Variants in LHFPL6 observed in about 807,000 individuals in gnomAD.
LHFPL6 encodes the protein LHFPL tetraspan subfamily member 6 protein.
In LHFPL6, 9 loss-of-function variants were observed where a neutral mutation model predicts 20.6. The ratio of observed to expected loss-of-function variants is 0.44; its 90% CI spans 0.26 to 0.76. The LOEUF (loss-of-function observed/expected upper bound fraction) is 0.76, where lower values mean the gene tolerates loss of function less well. Ranked by LOEUF, LHFPL6 falls within the 30% of genes least tolerant of loss-of-function variation. LHFPL6 has a pLI of 0.20. For missense variants in LHFPL6, 218 were observed against 253.5 expected (o/e 0.86, Z 0.95); for synonymous variants, 105 against 98.7 (o/e 1.06, Z -0.38).
intron 2 of LHFPL6, among the ~76,000 whole-genome samples, chr13:39,592,908 GAAAA>G (rs1465118734): frequency 6.6e-6 from 1 of 152,178 alleles, no homozygotes; most frequent in East Asian, 1.9e-4. Flanking sequence ...AAAGGCCTTT[GAAAA>G]AATTCAACAA....
At chr13:39,586,186 T>C (rs200369668) in intron 2 of LHFPL6, among the ~76,000 whole-genome samples, 5 of 137,438 alleles carry the variant, frequency 3.6e-5, no homozygotes, top group Non-Finnish European at 6.4e-5. Flanking sequence ...TATATATATA[T>C]ACACATACAC....
rs756208201 is a variant in LHFPL6 at position 39,568,387 on chromosome 13, C to T, written c.385+32445G>A. ...CATGGTGCCTGAGAGAACACAGTGG[C>T]TCATTTTATTCAGGACAATGACCAA... On this transcript the variant is annotated intron_variant, in intron 2 of 3. Transcript: ENST00000379589. 2.2e-4 allele frequency among the ~76,000 whole-genome samples: 33 copies of T among 152,160 alleles called. 2 individuals are homozygous for T. The highest frequency in any genetic ancestry group is 1.5e-3 in the South Asian group (7 of 4,808).
intron 2 of LHFPL6, among the ~76,000 whole-genome samples, chr13:39,388,338 A>T (rs759985422): frequency 6.6e-6 from 1 of 152,264 alleles, no homozygotes; most frequent in Non-Finnish European, 1.5e-5. Flanking sequence ...GCTCAGAGCA[A>T]AAATTCACAA....
At chr13:39,572,429 T>C (rs527554995) in intron 2 of LHFPL6, among the ~76,000 whole-genome samples, 1 of 152,162 alleles carries the variant, frequency 6.6e-6, no homozygotes, top group Non-Finnish European at 1.5e-5. Context: ...AATATATGTA[T>C]AAAGCCATAA....
intron 2 of LHFPL6, among the ~76,000 whole-genome samples, chr13:39,425,860 C>T (rs1331565712): frequency 6.6e-6 from 1 of 152,162 alleles, no homozygotes; most frequent in Admixed American, 6.5e-5. Context: ...CATGGTTTCA[C>T]TATGCTGCCC....
At chr13:39,503,862 A>C (rs1005202379) in intron 2 of LHFPL6, among the ~76,000 whole-genome samples, 2 of 152,232 alleles carry the variant, frequency 1.3e-5, no homozygotes, top group African/African-American at 4.8e-5. Context: ...TCAATTTCCC[A>C]GAATGTGCCT....
intron 2 of LHFPL6, among the ~76,000 whole-genome samples, chr13:39,561,292 G>A (rs750946447): frequency 5.9e-5 from 9 of 151,894 alleles, no homozygotes; most frequent in East Asian, 1.9e-4. Flanking sequence ...TATCCAAGCC[G>A]TGGCCCATGG....
intron 2 of LHFPL6, among the ~76,000 whole-genome samples, chr13:39,564,233 C>T (rs1391600292): frequency 2.0e-5 from 3 of 152,100 alleles, no homozygotes; most frequent in Non-Finnish European, 4.4e-5. Flanking sequence ...ACCTAACACA[C>T]AATTATAAAT....
chr13:39,428,931 A>T (rs1374225430), intron 2 of LHFPL6, among the ~76,000 whole-genome samples: 3 of 152,160 alleles, frequency 2.0e-5, no homozygotes, highest in Non-Finnish European at 4.4e-5. Context: ...CTTACGGGCT[A>T]TTTAGAAATG....
intron 2 of LHFPL6, among the ~76,000 whole-genome samples, chr13:39,475,206 G>A (rs1325469265): frequency 6.6e-6 from 1 of 152,124 alleles, no homozygotes; most frequent in African/African-American, 2.4e-5. Flanking sequence ...GAAGGCACAG[G>A]CACAGAAGGA....
At chr13:39,470,359 T>A (rs1872912010) in intron 2 of LHFPL6, among the ~76,000 whole-genome samples, 1 of 152,168 alleles carries the variant, frequency 6.6e-6, no homozygotes, top group Non-Finnish European at 1.5e-5. Context: ...ATTTAGCAAT[T>A]CATTCTTGGT....
At chr13:39,378,834 A>G (rs1426555787) in intron 2 of LHFPL6, among the ~76,000 whole-genome samples, 1 of 152,242 alleles carries the variant, frequency 6.6e-6, no homozygotes, top group Non-Finnish European at 1.5e-5. Context: ...GCAAAAAGCC[A>G]ACCAATTCCA....
At chr13:39,401,090 T>G (rs1348583354) in intron 2 of LHFPL6, among the ~76,000 whole-genome samples, 1 of 152,210 alleles carries the variant, frequency 6.6e-6, no homozygotes, top group Non-Finnish European at 1.5e-5. Flanking sequence ...GTCTCATGAC[T>G]ATGTTGAGCG....
intron 2 of LHFPL6, among the ~76,000 whole-genome samples, chr13:39,490,115 G>A (rs144137538): frequency 1.3e-5 from 2 of 151,420 alleles, no homozygotes; most frequent in Non-Finnish European, 2.9e-5. Context: ...AACAGGAAAC[G>A]TCACAGAATT....
chr13:39,346,396 C>T (rs1007749707), intron 3 of LHFPL6, among the ~76,000 whole-genome samples: 2 of 152,162 alleles, frequency 1.3e-5, no homozygotes, highest in Admixed American at 1.3e-4. Flanking sequence ...GTATTGATTA[C>T]CATTTTCTCA....
At chr13:39,352,827 AT>A in intron 3 of LHFPL6, among the ~76,000 whole-genome samples, 1 of 138,736 alleles carries the variant, frequency 7.2e-6, no homozygotes, top group Non-Finnish European at 1.5e-5. Flanking sequence ...ACATTTATAT[AT>A]ATATATGTGT....
At chr13:39,602,685 G>A (rs1379936362) in intron 1 of LHFPL6, among the ~76,000 whole-genome samples, 198 bp downstream of exon 1, 1 of 152,228 alleles carries the variant, frequency 6.6e-6, no homozygotes, top group Non-Finnish European at 1.5e-5. Context: ...ACGAAGGGAG[G>A]GGATAAGGAT....
chr13:39,433,452 C>G (rs952546112), intron 2 of LHFPL6, among the ~76,000 whole-genome samples: 2 of 152,078 alleles, frequency 1.3e-5, no homozygotes, highest in South Asian at 2.1e-4. Context: ...CACACATAAT[C>G]CTTTGATGAT....
chr13:39,559,021 G>A (rs540924762), intron 2 of LHFPL6, among the ~76,000 whole-genome samples: 4 of 152,192 alleles, frequency 2.6e-5, no homozygotes, highest in Non-Finnish European at 5.9e-5. Flanking sequence ...GAGCCTCCCC[G>A]ATGGAGAGGT....
Sources: allele counts gnomAD v4.1 joint callset (sites outside exome capture counted in the v4.1 genomes callset), GRCh38; gene constraint gnomAD v4.1.1; transcripts MANE v1.5; gene names NCBI Gene and HGNC (gene_info 2026-07-23, HGNC 2026-07-21).